KCNAB2: variants seen among roughly 807,000 people sequenced by gnomAD.
KCNAB2 encodes potassium voltage-gated channel subfamily A regulatory beta subunit 2.
In KCNAB2, 29 loss-of-function variants were observed where a neutral mutation model predicts 63.6. The ratio of observed to expected loss-of-function variants is 0.46; its 90% CI spans 0.34 to 0.62. KCNAB2 has a LOEUF of 0.62. Ranked by LOEUF, KCNAB2 falls within the 20% of genes least tolerant of loss-of-function variation. The pLI is 0.01. For missense variants in KCNAB2, 359 were observed against 563.9 expected (o/e 0.64, Z 3.68); for synonymous variants, 222 against 224.2 (o/e 0.99, Z 0.09).
intron 1 of KCNAB2, among the ~76,000 whole-genome samples, chr1:6,027,653 G>A (rs1000185681): frequency 6.6e-6 from 1 of 152,228 alleles, no homozygotes; most frequent in Non-Finnish European, 1.5e-5. Flanking sequence ...GGCATTGAAC[G>A]TTGCTTTGAA....
intron 4 of KCNAB2, among the ~76,000 whole-genome samples, chr1:6,081,880 T>C (rs1458061564): frequency 2.0e-5 from 3 of 152,234 alleles, no homozygotes; most frequent in African/African-American, 7.2e-5. Flanking sequence ...GGGATACTGT[T>C]CGACCCAGTA....
intron 1 of KCNAB2, among the ~76,000 whole-genome samples, chr1:6,048,928 C>G (rs1661165325): frequency 6.6e-6 from 1 of 152,238 alleles, no homozygotes; most frequent in Non-Finnish European, 1.5e-5. Context: ...CTAAGGTGAA[C>G]CTCTCCTGGA....
chr1:6,013,328 C>T (rs1658302885), intron 1 of KCNAB2, among the ~76,000 whole-genome samples: 2 of 152,062 alleles, frequency 1.3e-5, no homozygotes, highest in Admixed American at 6.5e-5. Context: ...AGAAGACACA[C>T]TTGTGACGCT....
intron 4 of KCNAB2, among the ~76,000 whole-genome samples, chr1:6,081,859 T>C (rs563796583): frequency 2.0e-5 from 3 of 152,318 alleles, no homozygotes; most frequent in South Asian, 4.1e-4. Context: ...TAAGTAGACA[T>C]GAATTCTGTG....
At chr1:6,091,212 G>C (rs1571094356) in intron 9 of KCNAB2, 51 bp from the exon 10 acceptor site, 1 of 1,382,696 alleles carries the variant, frequency 7.2e-7, no homozygotes, top group Non-Finnish European at 9.9e-7. Context: ...ACGCCTCTCA[G>C]TGCTCCCAGC....
At chr1:6,031,248 C>T (rs1408379607), upstream of KCNAB2, among the ~76,000 whole-genome samples, 3 of 152,188 alleles carry the variant, frequency 2.0e-5, no homozygotes, top group African/African-American at 7.2e-5. The surrounding 1 kb of genome is among the most constrained non-coding windows in gnomAD (Gnocchi z 4.1). Flanking sequence ...GGTGCACTGA[C>T]TTCTTCCCAT....
chr1:6,098,262 A>G (rs1665813698), intron 15 of KCNAB2: 2 of 1,343,318 alleles, frequency 1.5e-6, no homozygotes. Flanking sequence ...GCACCTTGAC[A>G]TTTGAGAGGG....
chr1:6,041,828 A>C, upstream of KCNAB2: 1 of 1,613,072 alleles, frequency 6.2e-7, no homozygotes, highest in Non-Finnish European at 8.5e-7. Context: ...TTGCTGTCCG[A>C]AGTACTCGGT....
rs146277144 is a variant in KCNAB2 at position 6,098,509 on chromosome 1, A to G, written c.1183A>G (p.Ile395Val). The G allele has an allele frequency of 4.8e-4, 774 of 1,613,970 alleles. 1 individual carries two copies. In the African/African-American group the frequency reaches 7.9e-3, roughly 17 times the overall value. Residue 395 changes from isoleucine to valine, a missense_variant, in exon 16 of 16, where the codon ATT becomes GTT. Coordinates refer to ENST00000378083, the MANE Select transcript of KCNAB2 (RefSeq NM_001199862.2). ...IQVLPKLSSS[I>V]IHEIDSILGN... Reference sequence around the variant, plus strand: ...GGTCCTTCCGAAACTGTCATCTTCCATTATCCACGAGATTGATAGTATTTT... The same window carrying G: ...GGTCCTTCCGAAACTGTCATCTTCCGTTATCCACGAGATTGATAGTATTTT...
chr1:5,996,370 C>T (rs907142772), intron 1 of KCNAB2, among the ~76,000 whole-genome samples: 1 of 152,192 alleles, frequency 6.6e-6, no homozygotes, highest in Non-Finnish European at 1.5e-5. Flanking sequence ...GCACACCCAC[C>T]ATGGGATGAG....
intron 14 of KCNAB2, 107 bp from the exon 15 acceptor site, chr1:6,097,162 C>T (rs911055188): frequency 5.0e-5 from 65 of 1,306,514 alleles, no homozygotes; most frequent in East Asian, 7.6e-5. Flanking sequence ...CCCCTCAGAC[C>T]CCCAGACCAA....
intron 1 of KCNAB2, among the ~76,000 whole-genome samples, chr1:5,997,315 G>A (rs993094783): frequency 2.0e-5 from 3 of 152,154 alleles, no homozygotes; most frequent in African/African-American, 7.2e-5. Flanking sequence ...TTTCACAGTG[G>A]AGAAGGATGG....
At position 6,084,885 on chromosome 1, in the gene KCNAB2, T is replaced by C. The variant is rs1329546199; in HGVS notation, c.381-319T>C. Among the ~76,000 whole-genome samples, 3 of 152,212 alleles carry C rather than the reference T, an allele frequency of 2.0e-5. No individual in the cohort carries two copies. The East Asian group carries it at 5.8e-4, about 29-fold the overall frequency. ...GCCAGGCATTTTCCCTGGTGAATTTTCAGCTGACTAGGAAATGGGATGCTC... is the reference window on the plus strand; with the variant it reads ...GCCAGGCATTTTCCCTGGTGAATTTCCAGCTGACTAGGAAATGGGATGCTC... On this transcript the variant is annotated intron_variant, in intron 5 of 15. Coordinates refer to ENST00000378083, the MANE Select transcript of KCNAB2 (RefSeq NM_001199862.2).
chr1:6,059,934 G>C (rs1036936407), intron 2 of KCNAB2, among the ~76,000 whole-genome samples: 4 of 152,156 alleles, frequency 2.6e-5, no homozygotes, highest in African/African-American at 9.7e-5. Context: ...AGTCCACTCA[G>C]CCCAACCACA....
rs139653268 is a variant in KCNAB2 at position 6,052,812 on chromosome 1, T to C, written c.218+1058T>C. On this transcript the variant is annotated intron_variant, in intron 2 of 15. Transcript: ENST00000378083. ...CAGATAAACGCGTAACTTTTTAGCATAAATACGTTCCATGCAATATTTGGG... is the reference window on the plus strand; with the variant it reads ...CAGATAAACGCGTAACTTTTTAGCACAAATACGTTCCATGCAATATTTGGG... Among the ~76,000 whole-genome samples the C allele has an allele frequency of 1.6e-3, 244 of 152,302 alleles. 1 individual carries two copies. Among genetic ancestry groups the C allele is most frequent in the African/African-American group, 5.7e-3 (237 of 41,570 alleles).
rs1313272567 is a variant in KCNAB2, at chr1:6,006,683, GCTCAGCTCCCACATCCCCCAC to G, written c.-53+13896_-53+13916del. 2.2e-3 allele frequency among the ~76,000 whole-genome samples: 107 copies of G among 47,696 alleles called. 1 individual carries two copies. Among genetic ancestry groups the G allele is most frequent in the Middle Eastern group, 0.017 (1 of 60 alleles). 31.3% of individuals were successfully genotyped at this position (47,696 alleles called of 152,430 possible). A position where few individuals can be genotyped will look rare whatever the true frequency, so the allele number is the denominator to read the frequency against. ...CCCCCACTTCACCCTCCACCCCTCA[GCTCAGCTCCCACATCCCCCAC>G]TTCACCCTCACTCCTCAGCTCAGCT... On this transcript the variant is annotated intron_variant, in intron 1 of 16. Coordinates refer to the KCNAB2 transcript ENST00000341524.
At chr1:6,079,233 A>G (rs974472398) in intron 4 of KCNAB2, among the ~76,000 whole-genome samples, 1 of 151,614 alleles carries the variant, frequency 6.6e-6, no homozygotes, top group African/African-American at 2.4e-5. Flanking sequence ...TGCCTGACAA[A>G]CTCCTAAACA....
At chr1:6,094,552 C>T (rs759262063) in intron 11 of KCNAB2, 67 bp downstream of exon 11, 24 of 1,346,020 alleles carry the variant, frequency 1.8e-5, no homozygotes, top group Non-Finnish European at 2.2e-5. Context: ...GTATGGAGAC[C>T]CCAAAGCTCT....
intron 14 of KCNAB2, 106 bp from the exon 15 acceptor site, chr1:6,097,160 ACCC>A: frequency 7.8e-7 from 1 of 1,280,576 alleles, no homozygotes; most frequent in South Asian, 1.5e-5. Context: ...ACCCCCTCAG[ACCC>A]CCAGACCAAG....
Sources: allele counts gnomAD v4.1 joint callset (sites outside exome capture counted in the v4.1 genomes callset), GRCh38; gene constraint gnomAD v4.1.1; non-coding constraint Gnocchi (gnomAD v3.1); transcripts MANE v1.5; gene names NCBI Gene and HGNC (gene_info 2026-07-23, HGNC 2026-07-21).